Variants in ADAMTSL1 observed in about 807,000 individuals in gnomAD.
ADAMTSL1 encodes ADAMTS-like protein 1.
Under a neutral mutation model 201.8 loss-of-function variants are expected in ADAMTSL1, and 126 were observed. The observed-to-expected ratio is 0.62, with a 90% CI of 0.54 to 0.72. The LOEUF (loss-of-function observed/expected upper bound fraction) is 0.72, where lower values mean the gene tolerates loss of function less well. ADAMTSL1 is among the 30% of genes least tolerant of loss of function. The pLI is 0.00. For missense variants in ADAMTSL1, 2,679 were observed against 2,277.8 expected (o/e 1.18, Z -3.59); for synonymous variants, 1,121 against 903.4 (o/e 1.24, Z -4.32).
intron 2 of ADAMTSL1, among the ~76,000 whole-genome samples, chr9:18,529,217 C>G (rs1323338240): frequency 6.6e-6 from 1 of 152,122 alleles, no homozygotes; most frequent in Non-Finnish European, 1.5e-5. Context: ...ACATGGTTTT[C>G]TTGGAGATGT....
In ADAMTSL1 at chr9:18,753,393, T is replaced by C. The variant is rs1819570307; in HGVS notation, c.2102T>C (p.Met701Thr). ...VFCSHLLSRE[M>T]NETVILADEL... The stretch of plus-strand genomic sequence containing the variant: ...TGCAGCCACCTGCTTTCCAGAGAGA[T>C]GAATGAAACAGTCATCCTGGCTGAT... The change falls in exon 16 of 29, where the codon ATG becomes ACG. Residue 701 changes from methionine (M) to threonine (T), a missense_variant. Transcript: ENST00000380548. 2 of 1,613,050 alleles carry C rather than the reference T, an allele frequency of 1.2e-6. No individual in the cohort carries two copies. Among genetic ancestry groups the C allele is most frequent in the South Asian group, 2.2e-5 (2 of 90,718 alleles).
At chr9:18,903,869 A>C (rs974489683) in intron 26 of ADAMTSL1, among the ~76,000 whole-genome samples, 8 of 152,162 alleles carry the variant, frequency 5.3e-5, no homozygotes, top group African/African-American at 1.9e-4. Flanking sequence ...AAAAAAATGT[A>C]TAAGTGGACC....
At chr9:18,171,372 A>T (rs1827881225) in intron 2 of ADAMTSL1, among the ~76,000 whole-genome samples, 1 of 152,084 alleles carries the variant, frequency 6.6e-6, no homozygotes, top group Non-Finnish European at 1.5e-5. Flanking sequence ...GAATTTACTT[A>T]ACTAGGACAT....
chr9:18,665,165 G>A (rs763918178), intron 9 of ADAMTSL1, among the ~76,000 whole-genome samples: 62 of 151,992 alleles, frequency 4.1e-4, no homozygotes, highest in Non-Finnish European at 7.8e-4. Flanking sequence ...GTGATAATAA[G>A]AATTTTCTCA....
chr9:18,194,416 G>A (rs189215854), intron 2 of ADAMTSL1, among the ~76,000 whole-genome samples: 1 of 152,110 alleles, frequency 6.6e-6, no homozygotes, highest in Non-Finnish European at 1.5e-5. Flanking sequence ...ACCCTCCAAG[G>A]GCACTGCTGT....
intron 3 of ADAMTSL1, among the ~76,000 whole-genome samples, chr9:18,553,215 T>A (rs1820898345): frequency 6.6e-6 from 1 of 150,950 alleles, no homozygotes; most frequent in South Asian, 2.1e-4. Context: ...CCAGTCTTTT[T>A]TTTTTTTTTT....
chr9:18,853,889 C>CTCTGTGTGTGTGTGTGTGTG (rs1314550014), intron 23 of ADAMTSL1, among the ~76,000 whole-genome samples: 1 of 120,298 alleles, frequency 8.3e-6, no homozygotes, highest in African/African-American at 2.6e-5. Context: ...TATTCACTCT[C>CTCTGTGTGTGTGTGTGTGTG]TGTGTGTGTG....
chr9:18,357,092 G>T (rs1307761806), intron 2 of ADAMTSL1, among the ~76,000 whole-genome samples: 3 of 152,116 alleles, frequency 2.0e-5, no homozygotes, highest in Admixed American at 1.3e-4. Flanking sequence ...CAGCCATACT[G>T]GGACATCTTT....
At chr9:18,854,284 G>C (rs1826705782) in intron 23 of ADAMTSL1, among the ~76,000 whole-genome samples, 1 of 152,030 alleles carries the variant, frequency 6.6e-6, no homozygotes, top group African/African-American at 2.4e-5. Context: ...CAGTGGTATT[G>C]GCATTGATAT....
At chr9:17,930,473 T>G (rs936534496) in intron 1 of ADAMTSL1, among the ~76,000 whole-genome samples, 2 of 152,088 alleles carry the variant, frequency 1.3e-5, no homozygotes, top group African/African-American at 4.8e-5. Flanking sequence ...AGAAATCAGT[T>G]TCATGGTCAT....
intron 2 of ADAMTSL1, among the ~76,000 whole-genome samples, chr9:18,206,053 C>CAAAAAAAAA (rs71333031): frequency 1.3e-4 from 7 of 54,356 alleles, no homozygotes; most frequent in Non-Finnish European, 1.8e-4. Flanking sequence ...GACTCCATCT[C>CAAAAAAAAA]AAAAAAAAAA....
chr9:18,055,726 A>G (rs928564074), intron 1 of ADAMTSL1, among the ~76,000 whole-genome samples: 2 of 152,234 alleles, frequency 1.3e-5, no homozygotes, highest in Non-Finnish European at 2.9e-5. Flanking sequence ...ACATGCCTCC[A>G]GCAGTTTAGG....
intron 2 of ADAMTSL1, among the ~76,000 whole-genome samples, chr9:18,174,177 A>G (rs1422462632): frequency 6.6e-6 from 1 of 152,178 alleles, no homozygotes; most frequent in Non-Finnish European, 1.5e-5. Flanking sequence ...TCCTTAATAT[A>G]AAGAGCAAAT....
At chr9:18,358,578 C>G (rs1281774104) in intron 2 of ADAMTSL1, among the ~76,000 whole-genome samples, 1 of 152,160 alleles carries the variant, frequency 6.6e-6, no homozygotes, top group African/African-American at 2.4e-5. Flanking sequence ...CTTTCTGTCT[C>G]TATGAGTCTG....
intron 1 of ADAMTSL1, among the ~76,000 whole-genome samples, chr9:18,500,598 T>G (rs1213106429): frequency 6.6e-6 from 1 of 152,154 alleles, no homozygotes; most frequent in Non-Finnish European, 1.5e-5. Flanking sequence ...TAGTCAACTT[T>G]CATAAAATTA....
At chr9:18,445,224 A>G (rs1028541442) in intron 2 of ADAMTSL1, among the ~76,000 whole-genome samples, 9 of 152,168 alleles carry the variant, frequency 5.9e-5, no homozygotes, top group African/African-American at 1.7e-4. Context: ...TGCCACCGCT[A>G]AAAGTACAGC....
intron 2 of ADAMTSL1, among the ~76,000 whole-genome samples, chr9:18,421,870 T>C (rs1818968213): frequency 6.6e-6 from 1 of 152,210 alleles, no homozygotes; most frequent in Non-Finnish European, 1.5e-5. Flanking sequence ...ATTACTTTTA[T>C]ATGGAAGTAG....
intron 3 of ADAMTSL1, among the ~76,000 whole-genome samples, chr9:18,566,301 AT>A (rs1159164555): frequency 6.6e-6 from 1 of 152,218 alleles, no homozygotes; most frequent in Non-Finnish European, 1.5e-5. Context: ...CTTTCAACAA[AT>A]ATTCGAGTAC....
rs560533483 is a variant in ADAMTSL1 at position 18,769,700 on chromosome 9, T to C, written c.2218-902T>C. 3.9e-5 allele frequency among the ~76,000 whole-genome samples: 6 copies of C among 152,328 alleles called. No individual in the cohort carries two copies. In the East Asian group the frequency reaches 9.6e-4, roughly 24 times the overall value. On this transcript the variant is annotated intron_variant, in intron 16 of 28. Transcript: ENST00000380548. ...GGGAAGAGATGCCACACCATCTTTT[T>C]GGGCACTTCCCTGAAAGCACACACA...
Sources: allele counts gnomAD v4.1 joint callset (sites outside exome capture counted in the v4.1 genomes callset), GRCh38; gene constraint gnomAD v4.1.1; transcripts MANE v1.5; gene names NCBI Gene and HGNC (gene_info 2026-07-23, HGNC 2026-07-21).